Variants in SHC3 observed in about 807,000 individuals in gnomAD.
SHC3 encodes SHC-transforming protein 3.
In SHC3, 15 loss-of-function variants were observed where a neutral mutation model predicts 60.4. That is an observed-to-expected ratio of 0.25 (90% CI 0.17 to 0.38). The LOEUF is 0.38. Among genes scored for constraint, SHC3 ranks in the 10% least tolerant of loss-of-function variants. The pLI is 1.00. For missense variants in SHC3, 677 were observed against 786.1 expected (o/e 0.86, Z 1.66); for synonymous variants, 294 against 325.9 (o/e 0.90, Z 1.05).
At chr9:89,029,806 T>A (rs961574100) in intron 11 of SHC3, among the ~76,000 whole-genome samples, 3 of 152,210 alleles carry the variant, frequency 2.0e-5, no homozygotes, top group Non-Finnish European at 2.9e-5. Flanking sequence ...TAACTGATTT[T>A]AAAAGCATCT....
intron 4 of SHC3, among the ~76,000 whole-genome samples, chr9:89,072,217 G>A (rs1825285423): frequency 6.6e-6 from 1 of 152,116 alleles, no homozygotes. Flanking sequence ...TGACCTTGTG[G>A]AAAGACACAA....
chr9:89,075,114 T>C lies in SHC3; in HGVS notation c.724A>G (p.Lys242Glu). The C allele has an allele frequency of 6.2e-7, 1 of 1,613,910 alleles. No individual in the cohort carries two copies. Among genetic ancestry groups the C allele is most frequent in the Non-Finnish European group, 8.5e-7 (1 of 1,179,846 alleles). ...ASLNLRTPDS[K>E]QIIANHHMRS... The stretch of plus-strand genomic sequence containing the variant: ...GGATCTGAGCACCCATGTACCTGTT[T>C]GGAGTCCGGAGTTCGCAGGTTCAGA... Residue 242 changes from lysine (K) to glutamate (E), a missense_variant, in exon 4 of 12, where the codon AAA becomes GAA. Physicochemically the swap from Lys to Glu is moderately conservative, Grantham distance 56. Coordinates refer to ENST00000375835, the MANE Select transcript of SHC3 (RefSeq NM_016848.6).
chr9:89,095,748 G>A (rs1825692079), intron 2 of SHC3, among the ~76,000 whole-genome samples: 2 of 152,004 alleles, frequency 1.3e-5, no homozygotes, highest in South Asian at 4.1e-4. Flanking sequence ...CCACCTCCAG[G>A]GCAGGGACAG....
intron 1 of SHC3, among the ~76,000 whole-genome samples, chr9:89,174,491 A>G (rs778879613): frequency 1.3e-5 from 2 of 152,234 alleles, no homozygotes; most frequent in Non-Finnish European, 2.9e-5. Context: ...ACAGGTGTTT[A>G]TGAATGGCGT....
chr9:89,103,740 A>G (rs930254289), intron 2 of SHC3, among the ~76,000 whole-genome samples: 1 of 152,220 alleles, frequency 6.6e-6, no homozygotes, highest in Admixed American at 6.5e-5. Context: ...TCTCAGCCCT[A>G]TGATGGAGAT....
chr9:89,065,210 C>A (rs1825158152), intron 6 of SHC3, among the ~76,000 whole-genome samples: 1 of 152,232 alleles, frequency 6.6e-6, no homozygotes, highest in East Asian at 1.9e-4. Context: ...TGAAGCTGGG[C>A]AGGAGGACAG....
chr9:89,025,645 G>T (rs532238416), intron 11 of SHC3, among the ~76,000 whole-genome samples: 26 of 152,262 alleles, frequency 1.7e-4, no homozygotes, highest in East Asian at 1.5e-3. Context: ...TGGAATTCAG[G>T]CACAACTGAC....
At chr9:89,044,962 C>T (rs1245262708) in intron 9 of SHC3, among the ~76,000 whole-genome samples, 2 of 152,172 alleles carry the variant, frequency 1.3e-5, no homozygotes, top group East Asian at 3.8e-4. Context: ...GAGTAGGGGG[C>T]TTCACATCCC....
chr9:89,136,939 A>G (rs1188026990), intron 1 of SHC3, among the ~76,000 whole-genome samples: 1 of 152,164 alleles, frequency 6.6e-6, no homozygotes, highest in Non-Finnish European at 1.5e-5. Flanking sequence ...TACAGGAAGC[A>G]TAGTTGGGGA....
intron 2 of SHC3, chr9:89,109,323 C>T: frequency 1.2e-6 from 1 of 830,250 alleles, no homozygotes; most frequent in Non-Finnish European, 1.5e-6. Flanking sequence ...GCCCAGCATG[C>T]AGTCTGGTTG....
intron 1 of SHC3, among the ~76,000 whole-genome samples, chr9:89,155,463 C>A (rs1826609068): frequency 6.6e-6 from 1 of 152,168 alleles, no homozygotes; most frequent in South Asian, 2.1e-4. Context: ...ATTGCTTCTC[C>A]ATCCTTACAG....
At chr9:89,033,025 A>G (rs1331179) in intron 11 of SHC3, among the ~76,000 whole-genome samples, 69 of 138,660 alleles carry the variant, frequency 5.0e-4, no homozygotes, top group East Asian at 2.8e-3. Context: ...AAGCCCCCCC[A>G]CCGAAGAACA....
chr9:89,027,191 C>T (rs1180739828), intron 11 of SHC3, among the ~76,000 whole-genome samples: 1 of 152,186 alleles, frequency 6.6e-6, no homozygotes, highest in Admixed American at 6.5e-5. Context: ...TGTATTTACA[C>T]AGAAAAGAGA....
At chr9:89,089,852 C>T (rs1024034958) in intron 2 of SHC3, among the ~76,000 whole-genome samples, 1 of 152,192 alleles carries the variant, frequency 6.6e-6, no homozygotes, top group African/African-American at 2.4e-5. Flanking sequence ...CCAGCACCTT[C>T]TTGGAGTGAG....
intron 11 of SHC3, among the ~76,000 whole-genome samples, chr9:89,014,018 AC>A (rs1826053818): frequency 6.6e-6 from 1 of 151,960 alleles, no homozygotes. Context: ...AGTGTCTTCC[AC>A]CTGAGCCTGG....
chr9:89,118,941 G>A (rs577115075), intron 1 of SHC3, among the ~76,000 whole-genome samples: 60 of 152,238 alleles, frequency 3.9e-4, no homozygotes, highest in Middle Eastern at 6.8e-3. Flanking sequence ...TACACCTTAT[G>A]CCTTAATAAT....
Position 89,038,179 on chromosome 9 carries a change from C to T in SHC3, c.1470G>A (p.Met490Ile). The T allele has an allele frequency of 6.2e-7, 1 of 1,614,104 alleles. No individual in the cohort carries two copies. Among genetic ancestry groups the T allele is most frequent in the Non-Finnish European group, 8.5e-7 (1 of 1,180,012 alleles). The change falls in exon 11 of 12, where the codon ATG becomes ATA. Residue 490 changes from methionine (M) to isoleucine (I), a missense_variant. Physicochemically the swap from Met to Ile is conservative, Grantham distance 10. Coordinates refer to ENST00000375835, the MANE Select transcript of SHC3 (RefSeq NM_016848.6). Reference sequence around the variant, plus strand: ...AAGTCTCGGCTTGCAGTTCCTCCAGCATCTTGGCATCTGGGGCTCTAGGTG... The same window carrying T: ...AAGTCTCGGCTTGCAGTTCCTCCAGTATCTTGGCATCTGGGGCTCTAGGTG... The part of the protein sequence containing the change: ...PVSPRAPDAK[M>I]LEELQAETWY...
chr9:89,065,468 T>C, intron 6 of SHC3, 61 bp downstream of exon 6: 2 of 1,550,728 alleles, frequency 1.3e-6, no homozygotes, highest in Non-Finnish European at 1.8e-6. Flanking sequence ...GACCAGCTTG[T>C]ATAGAATGTG....
chr9:89,146,520 A>C (rs568750698), intron 1 of SHC3, among the ~76,000 whole-genome samples: 1 of 152,320 alleles, frequency 6.6e-6, no homozygotes, highest in Admixed American at 6.5e-5. Context: ...ATTAGGTCTA[A>C]ATAAGTGCTG....
Sources: allele counts gnomAD v4.1 joint callset (sites outside exome capture counted in the v4.1 genomes callset), GRCh38; gene constraint gnomAD v4.1.1; transcripts MANE v1.5; gene names NCBI Gene and HGNC (gene_info 2026-07-23, HGNC 2026-07-21).